CNTNAP5: variants seen among roughly 807,000 people sequenced by gnomAD.
CNTNAP5 encodes contactin associated protein family member 5.
In CNTNAP5, 72 loss-of-function variants were observed where a neutral mutation model predicts 150.2. The ratio of observed to expected loss-of-function variants is 0.48; its 90% CI spans 0.40 to 0.58. The LOEUF is 0.58. CNTNAP5 is among the 20% of genes least tolerant of loss of function. The pLI, the probability that CNTNAP5 is intolerant of heterozygous loss-of-function variation, is 0.00. For synonymous variants in CNTNAP5, 672 were observed against 619.8 expected (o/e 1.08, Z -1.25); for missense variants, 1,636 against 1,626.2 (o/e 1.01, Z -0.10).
Position 124,221,772 on chromosome 2 carries a change from T to C in CNTNAP5, c.150T>C (p.Thr50=), listed in dbSNP as rs1413370267. The change falls in exon 2 of 24, where the codon ACT becomes ACC. Residue 50 remains threonine (T), a synonymous_variant. Coordinates refer to ENST00000682447, the MANE Select transcript of CNTNAP5 (RefSeq NM_001367498.1). ...CTTTTTCCAGTTCCTCAGACCTCAC[T>C]GGCACTCACAGCCCAGCTCAACTCA... ...PMAFSSSSDL[T]GTHSPAQLNW... is the part of the protein sequence containing the mutation. 1.2e-6 allele frequency: 2 copies of C among 1,611,122 alleles called. No individual in the cohort carries two copies. Among genetic ancestry groups the C allele is most frequent in the East Asian group, 4.5e-5 (2 of 44,754 alleles).
chr2:124,459,729 G>T (rs1292989373), intron 6 of CNTNAP5, among the ~76,000 whole-genome samples: 1 of 140,518 alleles, frequency 7.1e-6, no homozygotes, highest in East Asian at 2.1e-4. Flanking sequence ...CTACACTCTA[G>T]CCTGGGCAAC....
chr2:124,038,396 C>T lies in CNTNAP5; in HGVS notation c.82+12664C>T, dbSNP rs759298819. Among the ~76,000 whole-genome samples the T allele has an allele frequency of 2.6e-5, 4 of 152,194 alleles. No individual in the cohort carries two copies. In the East Asian group the frequency reaches 7.8e-4, roughly 30 times the overall value. On this transcript the variant is annotated intron_variant, in intron 1 of 23. Transcript: ENST00000682447. ...CTATTGTCTTGACTCAGAGGACCTG[C>T]TTGCTTGGGTTTAGAGAGGCAAAAT... is the stretch of plus-strand genomic sequence containing the variant.
At chr2:124,638,248 C>T (rs954367621) in intron 12 of CNTNAP5, among the ~76,000 whole-genome samples, 10 of 135,112 alleles carry the variant, frequency 7.4e-5, no homozygotes, top group African/African-American at 2.0e-4. Context: ...TGTAACTTCT[C>T]TCACAGTGAG....
rs1321951935 is a variant in CNTNAP5 at position 124,510,516 on chromosome 2, T to TATAC, written c.1327+5964_1327+5967dup. Among the ~76,000 whole-genome samples, 230 of 123,016 alleles carry TATAC rather than the reference T, an allele frequency of 1.9e-3. 2 individuals carry two copies. The highest frequency in any genetic ancestry group is 7.1e-3 in the African/African-American group (209 of 29,580). The allele number at this position is 123,016 out of a possible 152,430, so 80.7% of individuals were successfully genotyped here. ...ATATATATATATATATATATATATA[T>TATAC]ATACATATATCTCCATATATCAACA... is the stretch of plus-strand genomic sequence containing the variant. On this transcript the variant is annotated intron_variant, in intron 8 of 23. Coordinates refer to ENST00000682447, the MANE Select transcript of CNTNAP5 (RefSeq NM_001367498.1).
chr2:124,470,746 G>A (rs571515786), intron 6 of CNTNAP5, among the ~76,000 whole-genome samples: 18 of 152,014 alleles, frequency 1.2e-4, no homozygotes, highest in African/African-American at 4.1e-4. Context: ...ATTTTTGTAT[G>A]TGGTATAAGG....
intron 11 of CNTNAP5, among the ~76,000 whole-genome samples, chr2:124,599,210 G>C (rs6760127): frequency 0.99 from 151,237 of 152,350 alleles, 75,077 homozygotes; most frequent in East Asian, 1. Flanking sequence ...AAATTTGATC[G>C]TGGTCTGCAG....
intron 13 of CNTNAP5, among the ~76,000 whole-genome samples, chr2:124,740,707 T>A (rs1680479988): frequency 1.3e-5 from 2 of 152,228 alleles, no homozygotes; most frequent in Non-Finnish European, 2.9e-5. Context: ...GCAAAAATGC[T>A]ATATAACCAG....
chr2:124,533,278 T>C (rs563183647), intron 10 of CNTNAP5, among the ~76,000 whole-genome samples: 33 of 150,982 alleles, frequency 2.2e-4, no homozygotes, highest in African/African-American at 7.2e-4. Context: ...TGCAGAAACC[T>C]GAGAGTGAGG....
chr2:124,180,607 T>C (rs1035652863), intron 1 of CNTNAP5, among the ~76,000 whole-genome samples: 2 of 152,188 alleles, frequency 1.3e-5, no homozygotes, highest in African/African-American at 4.8e-5. Flanking sequence ...AAGGTTAAAA[T>C]TGCATATAAA....
chr2:124,644,563 A>G (rs2105024105), intron 12 of CNTNAP5, among the ~76,000 whole-genome samples: 1 of 152,358 alleles, frequency 6.6e-6, no homozygotes, highest in African/African-American at 2.4e-5. Flanking sequence ...ATATATGGAT[A>G]TGAAAATCTA....
chr2:124,719,946 C>T (rs538687783), intron 13 of CNTNAP5, among the ~76,000 whole-genome samples: 2 of 152,132 alleles, frequency 1.3e-5, no homozygotes, highest in East Asian at 3.9e-4. Context: ...TTGCCTAAAA[C>T]AGATGATTTC....
chr2:124,721,467 G>A (rs1034310726), intron 13 of CNTNAP5, among the ~76,000 whole-genome samples: 2 of 143,428 alleles, frequency 1.4e-5, no homozygotes, highest in Non-Finnish European at 3.0e-5. Context: ...GGGTGACAGA[G>A]TGAGACTCCA....
intron 13 of CNTNAP5, among the ~76,000 whole-genome samples, chr2:124,735,098 G>T (rs1438069935): frequency 1.3e-5 from 2 of 152,134 alleles, no homozygotes; most frequent in African/African-American, 2.4e-5. Context: ...TTTGGGCAGA[G>T]AATTCTAGCT....
At chr2:124,098,645 C>T (rs1682994488) in intron 1 of CNTNAP5, among the ~76,000 whole-genome samples, 1 of 151,988 alleles carries the variant, frequency 6.6e-6, no homozygotes, top group Admixed American at 6.6e-5. Context: ...ATTCCAGGGG[C>T]ACAACTAGTG....
chr2:124,336,681 A>G (rs1302598508), intron 3 of CNTNAP5, among the ~76,000 whole-genome samples: 1 of 151,696 alleles, frequency 6.6e-6, no homozygotes, highest in Non-Finnish European at 1.5e-5. Flanking sequence ...AGCTTCATCC[A>G]TGTCCCTGCA....
intron 19 of CNTNAP5, among the ~76,000 whole-genome samples, chr2:124,811,674 G>T (rs1682222168): frequency 7.3e-6 from 1 of 137,568 alleles, no homozygotes; most frequent in Non-Finnish European, 1.5e-5. Flanking sequence ...AGGCGCGGTG[G>T]CTCATGCCTG....
intron 3 of CNTNAP5, among the ~76,000 whole-genome samples, chr2:124,243,162 G>A (rs1413738029): frequency 6.6e-6 from 1 of 152,128 alleles, no homozygotes; most frequent in Non-Finnish European, 1.5e-5. Context: ...AGAACCTCAG[G>A]CACTGAATAA....
intron 16 of CNTNAP5, among the ~76,000 whole-genome samples, chr2:124,764,499 A>G (rs1681026922): frequency 6.6e-6 from 1 of 152,124 alleles, no homozygotes; most frequent in Non-Finnish European, 1.5e-5. Flanking sequence ...TATGCATTCT[A>G]TTCATATTTA....
At chr2:124,064,376 T>C (rs1682100175) in intron 1 of CNTNAP5, among the ~76,000 whole-genome samples, 1 of 152,108 alleles carries the variant, frequency 6.6e-6, no homozygotes, top group Admixed American at 6.5e-5. Flanking sequence ...ATCCATTGCC[T>C]TTTTTCCCCT....
Sources: allele counts gnomAD v4.1 joint callset (sites outside exome capture counted in the v4.1 genomes callset), GRCh38; gene constraint gnomAD v4.1.1; transcripts MANE v1.5; gene names NCBI Gene and HGNC (gene_info 2026-07-23, HGNC 2026-07-21).